The following MAGI2 variants were observed in gnomAD, a reference collection of about 807,000 sequenced individuals.
The protein encoded by MAGI2 is membrane-associated guanylate kinase, WW and PDZ domain-containing protein 2.
Under a neutral mutation model 133.3 loss-of-function variants are expected in MAGI2, and 35 were observed. That is an observed-to-expected ratio of 0.26 (90% CI 0.20 to 0.35). The LOEUF (loss-of-function observed/expected upper bound fraction) is 0.35. MAGI2 is among the 10% of genes least tolerant of loss of function. The probability of loss-of-function intolerance (pLI) is 1.00; values close to 1 mark genes in which losing one functional copy is unlikely to be tolerated. For synonymous variants in MAGI2, 729 were observed against 710.6 expected (o/e 1.03, Z -0.41); for missense variants, 1,636 against 1,863.4 (o/e 0.88, Z 2.25).
chr7:78,144,798 C>T (rs370773271), intron 16 of MAGI2, among the ~76,000 whole-genome samples: 1 of 152,228 alleles, frequency 6.6e-6, no homozygotes, highest in Non-Finnish European at 1.5e-5. Flanking sequence ...ACGTGCAGAA[C>T]GTGCAGGTTT....
chr7:78,559,384 A>T (rs970553060), intron 3 of MAGI2, among the ~76,000 whole-genome samples: 1 of 152,058 alleles, frequency 6.6e-6, no homozygotes, highest in Non-Finnish European at 1.5e-5. Context: ...TTGGGAAGAA[A>T]TAAGAAAAAT....
At chr7:79,274,314 T>G (rs942691269) in intron 1 of MAGI2, among the ~76,000 whole-genome samples, 1 of 152,124 alleles carries the variant, frequency 6.6e-6, no homozygotes, top group Non-Finnish European at 1.5e-5. Flanking sequence ...TGATTCTGAT[T>G]GGGTTTGGCA....
intron 1 of MAGI2, among the ~76,000 whole-genome samples, chr7:79,286,631 T>C (rs1238773924): frequency 6.6e-6 from 1 of 152,024 alleles, no homozygotes; most frequent in Non-Finnish European, 1.5e-5. Flanking sequence ...CATGCCAGAC[T>C]AAAGAAGCAG....
intron 2 of MAGI2, among the ~76,000 whole-genome samples, chr7:78,671,279 C>CCCTTT (rs1563331319): frequency 1.4e-5 from 1 of 71,012 alleles, no homozygotes; most frequent in Non-Finnish European, 3.0e-5. Context: ...GTCTCTCTCT[C>CCCTTT]TCTTTTTTTT....
At chr7:78,310,412 C>T (rs1798605379) in intron 9 of MAGI2, among the ~76,000 whole-genome samples, 1 of 151,764 alleles carries the variant, frequency 6.6e-6, no homozygotes, top group Admixed American at 6.6e-5. Context: ...TCCAGCCTGG[C>T]AATAGAGCGA....
In MAGI2 at chr7:79,372,003, C is replaced by T. The variant is rs61103876; in HGVS notation, c.301+81017G>A. Among the ~76,000 whole-genome samples the T allele has an allele frequency of 5.3e-3, 806 of 152,210 alleles. 11 individuals are homozygous for T. Among genetic ancestry groups the T allele is most frequent in the African/African-American group, 0.019 (770 of 41,526 alleles). ...TACAGGCATTATATTACTTAATATC[C>T]CATTACAGAGCAACCCTACGAGGTA... On this transcript the variant is annotated intron_variant, in intron 1 of 21. Coordinates refer to ENST00000354212, the MANE Select transcript of MAGI2 (RefSeq NM_012301.4).
rs562203064 is a variant in MAGI2 at position 78,800,973 on chromosome 7, A to C, written c.419-173734T>G. Among the ~76,000 whole-genome samples, 20 of 152,282 alleles carry C rather than the reference A, an allele frequency of 1.3e-4. 1 individual carries two copies. The East Asian group carries it at 3.9e-3, about 29-fold the overall frequency. ...AAGAATATAAAAATGACCTATGAGA[A>C]CGTAATTTCATAGAAACCAGGGAAT... On this transcript the variant is annotated intron_variant, in intron 2 of 21. Transcript: ENST00000354212.
chr7:78,931,589 T>TA (rs60040960), intron 2 of MAGI2, among the ~76,000 whole-genome samples: 5,788 of 152,080 alleles, frequency 0.038, 354 homozygotes, highest in African/African-American at 0.13. Context: ...ATGCTGCCGT[T>TA]TATGCCACTG....
intron 14 of MAGI2, among the ~76,000 whole-genome samples, chr7:78,174,261 T>C (rs866751308): frequency 1.2e-4 from 18 of 152,256 alleles, no homozygotes; most frequent in Admixed American, 3.9e-4. Flanking sequence ...GCTCAGAGAT[T>C]AGTAAAAGGG....
chr7:78,281,825 T>C (rs1795622194), intron 9 of MAGI2, among the ~76,000 whole-genome samples: 1 of 147,804 alleles, frequency 6.8e-6, no homozygotes, highest in African/African-American at 2.5e-5. Flanking sequence ...AAATACTCTA[T>C]GGGACTATCC....
chr7:79,090,848 T>C (rs1356421585), intron 1 of MAGI2, among the ~76,000 whole-genome samples: 1 of 152,164 alleles, frequency 6.6e-6, no homozygotes, highest in African/African-American at 2.4e-5. Context: ...TGAATTCTGA[T>C]AGTGTATTAA....
intron 1 of MAGI2, among the ~76,000 whole-genome samples, chr7:79,234,861 A>G (rs1305103153): frequency 2.6e-5 from 4 of 151,450 alleles, no homozygotes; most frequent in Non-Finnish European, 5.9e-5. Context: ...TTGGAGGAGG[A>G]GAGGCGCTCT....
Position 78,601,250 on chromosome 7 carries a change from C to G in MAGI2, c.538+25870G>C, listed in dbSNP as rs1172185909. ...CAGTGAACAAAATGAACATAAATCC[C>G]TTACCAAGTGTACATGTATAATGAA... is the stretch of plus-strand genomic sequence containing the variant. On this transcript the variant is annotated intron_variant, in intron 3 of 21. Coordinates refer to ENST00000354212, the MANE Select transcript of MAGI2 (RefSeq NM_012301.4). Among the ~76,000 whole-genome samples, 3 of 152,034 alleles carry G rather than the reference C, an allele frequency of 2.0e-5. No individual in the cohort carries two copies. In the East Asian group the frequency reaches 5.8e-4, roughly 29 times the overall value.
At chr7:78,163,033 A>G (rs1326690206) in intron 15 of MAGI2, among the ~76,000 whole-genome samples, 1 of 152,216 alleles carries the variant, frequency 6.6e-6, no homozygotes, top group Non-Finnish European at 1.5e-5. Context: ...AAAATTCACT[A>G]ATTTCTAGGA....
intron 3 of MAGI2, among the ~76,000 whole-genome samples, chr7:78,522,634 C>T (rs908399013): frequency 5.3e-5 from 8 of 152,166 alleles, no homozygotes; most frequent in African/African-American, 7.2e-5. Context: ...CCTGCCTCGG[C>T]CCCCCAAAGT....
intron 7 of MAGI2, among the ~76,000 whole-genome samples, chr7:78,349,051 C>T (rs181511624): frequency 9.0e-4 from 137 of 152,214 alleles, no homozygotes; most frequent in African/African-American, 2.9e-3. Flanking sequence ...ATTTCTGTGA[C>T]GTAGTATACA....
At position 79,280,739 on chromosome 7, in the gene MAGI2, C is replaced by A. The variant is rs146367390; in HGVS notation, c.301+172281G>T. Reference sequence around the variant, plus strand: ...AGCCAGCTAAGACCAGCCTAAGGAACACGGCAAGATCACACCTCTACACAA... The same window carrying A: ...AGCCAGCTAAGACCAGCCTAAGGAAAACGGCAAGATCACACCTCTACACAA... On this transcript the variant is annotated intron_variant, in intron 1 of 21. Coordinates refer to ENST00000354212, the MANE Select transcript of MAGI2 (RefSeq NM_012301.4). 4.7e-4 allele frequency among the ~76,000 whole-genome samples: 71 copies of A among 151,428 alleles called. 1 individual carries two copies. Among genetic ancestry groups the A allele is most frequent in the African/African-American group, 1.7e-3 (71 of 41,280 alleles).
At chr7:79,117,850 CTG>C (rs1819543271) in intron 1 of MAGI2, among the ~76,000 whole-genome samples, 1 of 152,202 alleles carries the variant, frequency 6.6e-6, no homozygotes, top group Admixed American at 6.5e-5. Flanking sequence ...ACACACATGA[CTG>C]TAAAACCCTG....
intron 2 of MAGI2, among the ~76,000 whole-genome samples, chr7:79,003,579 GA>G (rs1807115531): frequency 6.6e-6 from 1 of 152,146 alleles, no homozygotes. Flanking sequence ...TTTGACCAAG[GA>G]AAATGTGTAA....
Sources: allele counts gnomAD v4.1 joint callset (sites outside exome capture counted in the v4.1 genomes callset), GRCh38; gene constraint gnomAD v4.1.1; transcripts MANE v1.5; gene names NCBI Gene and HGNC (gene_info 2026-07-23, HGNC 2026-07-21).